QPCT: variants seen among roughly 807,000 people sequenced by gnomAD.
The protein encoded by QPCT is glutaminyl-peptide cyclotransferase.
QPCT carries 44 observed loss-of-function variants against 43.4 expected under a neutral mutation model. The ratio of observed to expected loss-of-function variants is 1.01; its 90% CI spans 0.80 to 1.30. The LOEUF (loss-of-function observed/expected upper bound fraction) is 1.30. Ranked by LOEUF, QPCT falls within the 50% of genes most tolerant of loss-of-function variation. The probability of loss-of-function intolerance (pLI) is 0.00; values close to 1 mark genes in which losing one functional copy is unlikely to be tolerated. For missense variants in QPCT, 526 were observed against 436.5 expected (o/e 1.21, Z -1.83); for synonymous variants, 168 against 168.4 (o/e 1.00, Z 0.02).
intron 3 of QPCT, among the ~76,000 whole-genome samples, chr2:37,366,850 C>T (rs1162741991): frequency 6.6e-6 from 1 of 152,212 alleles, no homozygotes; most frequent in Non-Finnish European, 1.5e-5. Flanking sequence ...GGAGGTGCAG[C>T]TGAGGCAATT....
At chr2:37,351,530 C>G (rs955459265) in intron 1 of QPCT, among the ~76,000 whole-genome samples, 1 of 152,156 alleles carries the variant, frequency 6.6e-6, no homozygotes, top group Non-Finnish European at 1.5e-5. Flanking sequence ...TATAGATTCA[C>G]CAAGCTCAGG....
chr2:37,365,047 T>A (rs527386306), intron 3 of QPCT, among the ~76,000 whole-genome samples: 1 of 148,694 alleles, frequency 6.7e-6, no homozygotes, highest in Non-Finnish European at 1.5e-5. Context: ...ATTAAAAATT[T>A]TATATATATA....
intron 2 of QPCT, among the ~76,000 whole-genome samples, chr2:37,353,855 G>A (rs997008696): frequency 6.6e-6 from 1 of 152,198 alleles, no homozygotes; most frequent in African/African-American, 2.4e-5. Flanking sequence ...CAAGGCGCAG[G>A]TGCCCAGCTC....
At chr2:37,369,617 A>G (rs1263088930) in intron 4 of QPCT, 68 bp from the exon 5 acceptor site, 9 of 1,180,978 alleles carry the variant, frequency 7.6e-6, no homozygotes, top group South Asian at 1.2e-5. Context: ...GACTGATTGT[A>G]TTTCCCTGTT....
intron 1 of QPCT, among the ~76,000 whole-genome samples, chr2:37,345,152 C>T (rs1471933227): frequency 6.6e-6 from 1 of 152,154 alleles, no homozygotes; most frequent in African/African-American, 2.4e-5. Flanking sequence ...TCGCCGGCGG[C>T]TGCTGAGCCG....
chr2:37,362,358 C>A (rs887158572), intron 3 of QPCT, among the ~76,000 whole-genome samples: 2 of 152,116 alleles, frequency 1.3e-5, no homozygotes, highest in African/African-American at 4.8e-5. Context: ...TTTTTGCCAA[C>A]GAGAAAATCT....
intron 2 of QPCT, among the ~76,000 whole-genome samples, chr2:37,354,490 C>G (rs1205518622): frequency 4.6e-5 from 7 of 152,176 alleles, no homozygotes; most frequent in Admixed American, 4.6e-4. Flanking sequence ...TTAAAAAGAT[C>G]TGAGGTTGAG....
At chr2:37,355,146 C>G (rs1384663689) in intron 2 of QPCT, among the ~76,000 whole-genome samples, 10 of 152,158 alleles carry the variant, frequency 6.6e-5, no homozygotes, top group Non-Finnish European at 1.5e-4. Context: ...TGCTGGGCTG[C>G]CTATGCATGG....
At chr2:37,367,437 T>C in intron 4 of QPCT, 29 bp downstream of exon 4, 1 of 1,593,768 alleles carries the variant, frequency 6.3e-7, no homozygotes, top group Non-Finnish European at 8.5e-7. Flanking sequence ...CCTAGCACTG[T>C]AGCTGTAGGC....
At chr2:37,356,464 G>T (rs976480160) in intron 2 of QPCT, among the ~76,000 whole-genome samples, 1 of 152,090 alleles carries the variant, frequency 6.6e-6, no homozygotes, top group Non-Finnish European at 1.5e-5. Context: ...CTTTGGTATT[G>T]GGGAAGGCAG....
Position 37,344,840 on chromosome 2 carries a change from C to A in QPCT, c.109C>A (p.Pro37Thr). The change falls in exon 1 of 7, where the codon CCA (proline) becomes ACA (threonine). Residue 37 changes from proline to threonine, a missense_variant. By Grantham distance (38) the Pro-to-Thr change is conservative. Coordinates refer to ENST00000338415, the MANE Select transcript of QPCT (RefSeq NM_012413.4). The part of the protein sequence containing the change: ...RGVSPSASAW[P>T]EEKNYHQPAI... Reference sequence around the variant, plus strand: ...GGTCAGTCCGAGTGCCTCAGCCTGGCCAGAGGAGAAGGTGAGGGGCTGTTT... The same window carrying A: ...GGTCAGTCCGAGTGCCTCAGCCTGGACAGAGGAGAAGGTGAGGGGCTGTTT... The A allele has an allele frequency of 6.3e-7, 1 of 1,596,058 alleles. No individual in the cohort carries two copies. The highest frequency in any genetic ancestry group is 1.7e-5 in the Admixed American group (1 of 57,582).
rs45604037 is a variant in QPCT, at chr2:37,359,537, C to T, written c.268-43C>T. On this transcript the variant is annotated intron_variant, in intron 2 of 6. Coordinates refer to ENST00000338415, the MANE Select transcript of QPCT (RefSeq NM_012413.4). ...AGAATCACAGTTAACAAATGAAAGC[C>T]ATTTCTTTAGATCTAAATTTTTTGT... 44,526 of 1,549,896 alleles carry T rather than the reference C, an allele frequency of 0.029. 6,059 individuals carry two copies. In the African/African-American group the frequency reaches 0.4, roughly 14 times the overall value.
At chr2:37,347,180 A>T (rs5017960) in intron 1 of QPCT, among the ~76,000 whole-genome samples, 1,548 of 33,748 alleles carry the variant, frequency 0.046, 81 homozygotes, top group East Asian at 0.13. Flanking sequence ...TATATATATA[A>T]CATATATATA....
At chr2:37,353,535 G>T (rs1257185187) in intron 2 of QPCT, among the ~76,000 whole-genome samples, 1 of 152,134 alleles carries the variant, frequency 6.6e-6, no homozygotes, top group Non-Finnish European at 1.5e-5. Flanking sequence ...CTGCAATATG[G>T]TCAGTTCTAT....
At chr2:37,351,647 C>A (rs1016375195) in intron 1 of QPCT, among the ~76,000 whole-genome samples, 1 of 151,944 alleles carries the variant, frequency 6.6e-6, no homozygotes, top group Non-Finnish European at 1.5e-5. Context: ...TTTGGGAGGC[C>A]GAGGTGGGTG....
chr2:37,352,761 TA>T, intron 1 of QPCT, 27 bp from the exon 2 acceptor site: 1 of 1,608,148 alleles, frequency 6.2e-7, no homozygotes, highest in African/African-American at 1.3e-5. Context: ...AAAGGATAGC[TA>T]GTTAAATGAT....
chr2:37,358,371 A>G (rs1672791195), intron 2 of QPCT, among the ~76,000 whole-genome samples: 1 of 152,168 alleles, frequency 6.6e-6, no homozygotes, highest in Non-Finnish European at 1.5e-5. Context: ...GAGGAGGCGG[A>G]GGTTGCAGTG....
intron 1 of QPCT, among the ~76,000 whole-genome samples, chr2:37,350,748 T>C (rs1672603844): frequency 6.6e-6 from 1 of 152,230 alleles, no homozygotes; most frequent in Non-Finnish European, 1.5e-5. Context: ...CATCTCTAAG[T>C]GGCTTTTCCA....
intron 1 of QPCT, among the ~76,000 whole-genome samples, chr2:37,347,101 C>G (rs1672502841): frequency 7.4e-6 from 1 of 135,788 alleles, no homozygotes; most frequent in South Asian, 2.3e-4. Flanking sequence ...GGTGGGCACA[C>G]ACCTGTGTAT....
Sources: allele counts gnomAD v4.1 joint callset (sites outside exome capture counted in the v4.1 genomes callset), GRCh38; gene constraint gnomAD v4.1.1; transcripts MANE v1.5; gene names NCBI Gene and HGNC (gene_info 2026-07-23, HGNC 2026-07-21).